The following CCDC136 variants were observed in gnomAD, a reference collection of about 807,000 sequenced individuals.
CCDC136 encodes the protein coiled-coil domain containing 136.
In CCDC136, 100 loss-of-function variants were observed where a neutral mutation model predicts 141.2. The ratio of observed to expected loss-of-function variants is 0.71; its 90% confidence interval spans 0.60 to 0.84. The LOEUF (loss-of-function observed/expected upper bound fraction) is 0.84. Ranked by LOEUF, CCDC136 falls within the 40% of genes least tolerant of loss-of-function variation. The probability of loss-of-function intolerance (pLI) is 0.00; values close to 1 mark genes in which losing one functional copy is unlikely to be tolerated. For missense variants in CCDC136, 1,206 were observed against 1,379.4 expected, an observed-to-expected ratio of 0.87 and a Z score of 1.99; for synonymous variants, 474 against 531.9, an observed-to-expected ratio of 0.89 and a Z score of 1.50.
chr7:128,795,477 A>G (rs1802803846), intron 3 of CCDC136, among the ~76,000 whole-genome samples: 2 of 151,996 alleles, frequency 1.3e-5, no homozygotes, highest in South Asian at 2.1e-4. Context: ...AAAGAAAAGT[A>G]TAAATGGAGA....
At chr7:128,816,763 G>A (rs963134708) in intron 16 of CCDC136, among the ~76,000 whole-genome samples, 2 of 152,214 alleles carry the variant, frequency 1.3e-5, no homozygotes, top group East Asian at 3.8e-4. Context: ...AGTATTTCCT[G>A]TGTAAGTCCT....
intron 3 of CCDC136, among the ~76,000 whole-genome samples, chr7:128,800,360 G>C (rs984407832): frequency 1.3e-5 from 2 of 152,078 alleles, no homozygotes. Context: ...GTGCGATCTT[G>C]GCTCACAGCA....
At position 128,806,823 on chromosome 7, in the gene CCDC136, G is replaced by T; in HGVS notation, c.1384G>T (p.Asp462Tyr). 1 of 1,612,308 alleles carries T rather than the reference G, an allele frequency of 6.2e-7. No individual in the cohort carries two copies. Among genetic ancestry groups the T allele is most frequent in the South Asian group, 1.1e-5 (1 of 90,840 alleles). The change falls in exon 9 of 18, where the codon GAT becomes TAT. Residue 462 changes from aspartate to tyrosine, a missense_variant. Transcript: ENST00000297788. ...CHEAELQHLRDTVASFKESNE... is the reference protein window; with the variant it reads ...CHEAELQHLRYTVASFKESNE... Reference sequence around the variant, plus strand: ...TGAGGCAGAGCTGCAGCACCTCAGGGATACGGTGGCCTCCTTCAAAGAGAG... The same window carrying T: ...TGAGGCAGAGCTGCAGCACCTCAGGTATACGGTGGCCTCCTTCAAAGAGAG...
intron 14 of CCDC136, among the ~76,000 whole-genome samples, chr7:128,813,262 C>T (rs928884820): frequency 1.3e-5 from 2 of 152,192 alleles, no homozygotes; most frequent in South Asian, 2.1e-4. Flanking sequence ...CCTTGTCTCC[C>T]GGTGCACCAA....
rs1184844522 is a variant in CCDC136, at chr7:128,814,834, T to C, written c.2960T>C (p.Met987Thr). 1.2e-6 allele frequency: 2 copies of C among 1,610,372 alleles called. No individual in the cohort carries two copies. The highest frequency in any genetic ancestry group is 1.7e-5 in the Admixed American group (1 of 59,328). The change falls in exon 15 of 18, where the codon ATG becomes ACG. Residue 987 changes from methionine to threonine, a missense_variant. Transcript: ENST00000297788. ...CGGGGGAAGAATGCTAATAAGAACATGAACAAGAATGCCAATGGGGTTAAA... is the reference window on the plus strand; with the variant it reads ...CGGGGGAAGAATGCTAATAAGAACACGAACAAGAATGCCAATGGGGTTAAA... Reference protein sequence around the residue: ...EARGKNANKNMNKNANGVKMK... With the variant: ...EARGKNANKNTNKNANGVKMK...
intron 11 of CCDC136, 107 bp from the exon 12 acceptor site, chr7:128,810,032 A>G: frequency 1.4e-6 from 1 of 708,040 alleles, no homozygotes; most frequent in Non-Finnish European, 2.3e-6. Context: ...GTCAACCCTG[A>G]GATTCTTCAG....
rs1216411807 is a variant in CCDC136, at chr7:128,811,944, G to T, written c.2173G>T (p.Glu725Ter). Residue 725 changes from glutamate to a stop codon, truncating the protein, a stop_gained, in exon 13 of 18, where the codon GAA (glutamate) becomes TAA (stop). Coordinates refer to ENST00000297788, the MANE Select transcript of CCDC136 (RefSeq NM_022742.5). LOFTEE classifies it high-confidence loss of function. Reference protein sequence around the residue: ...RLQADLQLCLEEMQLLQVQSP... With the variant: ...RLQADLQLCL ...GCAGGCAGACTTGCAGCTCTGCCTG[G>T]AAGAAATGCAGCTGCTTCAAGTCCA... 6.2e-7 allele frequency: 1 copy of T among 1,613,982 alleles called. No homozygotes were observed. Among genetic ancestry groups the T allele is most frequent in the Non-Finnish European group, 8.5e-7 (1 of 1,179,884 alleles).
upstream of CCDC136, chr7:128,791,578 C>T (rs1802168138): frequency 1.6e-6 from 2 of 1,234,614 alleles, no homozygotes; most frequent in Non-Finnish European, 2.0e-6. The surrounding 1 kb of genome is among the most constrained non-coding windows in gnomAD (Gnocchi z 7.1). Context: ...CGTCACCTGT[C>T]TACCGCCCCT....
intron 10 of CCDC136, among the ~76,000 whole-genome samples, chr7:128,808,148 T>G (rs1173156540): frequency 3.9e-5 from 6 of 152,234 alleles, no homozygotes; most frequent in Non-Finnish European, 1.5e-5. Context: ...GCAATTCTCC[T>G]ATCTCAGCCT....
intron 11 of CCDC136, 139 bp from the exon 12 acceptor site, chr7:128,810,000 G>T (rs151145339): frequency 3.2e-6 from 2 of 617,354 alleles, no homozygotes. Context: ...GGGCTCCCCC[G>T]TCCCCAGATG....
In CCDC136 at chr7:128,821,495, G is replaced by A. The variant is rs73457567; in HGVS notation, c.*6-304G>A. On this transcript the variant is annotated intron_variant, in intron 17 of 17. Transcript: ENST00000297788. This position sits in a 1 kb window ranked among gnomAD's most constrained non-coding sequence, Gnocchi z 5.1. Reference sequence around the variant, plus strand: ...CCATGGCATCCAGTCCTTTCTCATTGCAACCACTTGGAAGTCTGGCCCCTG... The same window carrying A: ...CCATGGCATCCAGTCCTTTCTCATTACAACCACTTGGAAGTCTGGCCCCTG... Among the ~76,000 whole-genome samples, 2,373 of 152,214 alleles carry A rather than the reference G, an allele frequency of 0.016. 63 individuals are homozygous for A. Among genetic ancestry groups the A allele is most frequent in the African/African-American group, 0.052 (2,152 of 41,502 alleles).
In CCDC136 at chr7:128,811,837, AG is replaced by A; in HGVS notation, c.2068del (p.Val690Ter). ...KLLMEQMQALQVMYDAGQAKQ... is the reference protein window; with the variant it reads ...KLLMEQMQALXVMYDAGQAKQ... ...CTCATGGAGCAGATGCAGGCCCTGC[AG>A]GTGATGTATGACGCCGGTCAGGCGA... On this transcript the variant is annotated frameshift_variant, in exon 13 of 18. Transcript: ENST00000297788. LOFTEE classifies it high-confidence loss of function. The A allele has an allele frequency of 6.2e-7, 1 of 1,604,106 alleles. No individual in the cohort carries two copies. The highest frequency in any genetic ancestry group is 1.7e-5 in the Admixed American group (1 of 57,882).
At position 128,821,032 on chromosome 7, in the gene CCDC136, C is replaced by A. The variant is rs1432200983; in HGVS notation, c.*6-767C>A. Among the ~76,000 whole-genome samples the A allele has an allele frequency of 1.3e-5, 2 of 152,086 alleles. No homozygotes were observed. The highest frequency in any genetic ancestry group is 2.9e-5 in the Non-Finnish European group (2 of 68,012). On this transcript the variant is annotated intron_variant, in intron 17 of 17. Transcript: ENST00000297788. The surrounding 1 kb of genome is among the most constrained non-coding windows in gnomAD (Gnocchi z 5.1). ...GAGTAAAAAAGTAATAAAAATAAAA[C>A]CTATTTCCCCAAGTATGTATTTTCT...
chr7:128,796,988 GC>G (rs1291148642), intron 3 of CCDC136, among the ~76,000 whole-genome samples: 1 of 151,682 alleles, frequency 6.6e-6, no homozygotes, highest in Non-Finnish European at 1.5e-5. Flanking sequence ...TGATCCGCCC[GC>G]CTCGGCCTCC....
rs751590709 is a variant in CCDC136 at position 128,817,775 on chromosome 7, T to TC, written c.3387dup (p.Ile1130HisfsTer22). The TC allele has an allele frequency of 1.2e-6, 2 of 1,613,054 alleles. No individual in the cohort carries two copies. The highest frequency in any genetic ancestry group is 2.2e-5 in the South Asian group (2 of 91,040). On this transcript the variant is annotated frameshift_variant, in exon 17 of 18. Coordinates refer to ENST00000297788, the MANE Select transcript of CCDC136 (RefSeq NM_022742.5). LOFTEE classifies it high-confidence loss of function. The surrounding 1 kb of genome is among the most constrained non-coding windows in gnomAD (Gnocchi z 4.6). ...TGTTGCAGTCATCCCCTACCCCCAA[T>TC]CCCCCCATCTTCTCCTTGCCTCTTG...
Position 128,806,782 on chromosome 7 carries a change from A to T in CCDC136, c.1343A>T (p.Glu448Val). 6.2e-7 allele frequency: 1 copy of T among 1,611,582 alleles called. No individual in the cohort carries two copies. ...CTGGAACGGCAGCAGCAGCTGCAGG[A>T]GGAGCTGCAGTGCCATGAGGCAGAG... ...KLLERQQQLQ[E>V]ELQCHEAELQ... The change falls in exon 9 of 18, where the codon GAG becomes GTG. Residue 448 changes from glutamate to valine, a missense_variant. Physicochemically the swap from Glu to Val is moderately radical, Grantham distance 121 (BLOSUM62 -2). Coordinates refer to ENST00000297788, the MANE Select transcript of CCDC136 (RefSeq NM_022742.5).
At chr7:128,803,814 C>T (rs1804408013) in intron 4 of CCDC136, among the ~76,000 whole-genome samples, 1 of 143,352 alleles carries the variant, frequency 7.0e-6, no homozygotes, top group Admixed American at 6.8e-5. Flanking sequence ...AGAAAGAATT[C>T]CTTTTTTTTT....
chr7:128,814,978 G>A, intron 15 of CCDC136, 59 bp downstream of exon 15: 6 of 1,383,782 alleles, frequency 4.3e-6, no homozygotes, highest in Non-Finnish European at 2.9e-6. Flanking sequence ...CTGGGAAGAA[G>A]CATTGCCTCC....
At chr7:128,820,209 G>C (rs1371987563) in intron 17 of CCDC136, among the ~76,000 whole-genome samples, 6 of 152,144 alleles carry the variant, frequency 3.9e-5, no homozygotes, top group African/African-American at 1.4e-4. Flanking sequence ...GTCTCTTGGG[G>C]TTCTTTTATT....
Sources: gnomAD v4.1 joint callset for allele counts (sites outside exome capture counted in the v4.1 genomes callset) on GRCh38, gnomAD v4.1.1 for gene constraint, Gnocchi (gnomAD v3.1) non-coding constraint, MANE v1.5 for transcripts, NCBI Gene and HGNC (gene_info 2026-07-23, HGNC 2026-07-21) for gene names.